The following MYO1D variants were observed in gnomAD, a reference collection of about 807,000 sequenced individuals.
The protein encoded by MYO1D is myosin ID.
In MYO1D, 83 loss-of-function variants were observed where a neutral mutation model predicts 122.0. The ratio of observed to expected loss-of-function variants is 0.68; its 90% CI spans 0.57 to 0.82. The LOEUF is 0.82. Ranked by LOEUF, MYO1D falls within the 40% of genes least tolerant of loss-of-function variation. The pLI, the probability that MYO1D is intolerant of heterozygous loss-of-function variation, is 0.00. For missense variants in MYO1D, 1,157 were observed against 1,269.5 expected, an observed-to-expected ratio of 0.91 and a Z score of 1.35; for synonymous variants, 464 against 446.9, an observed-to-expected ratio of 1.04 and a Z score of -0.48.
intron 21 of MYO1D, among the ~76,000 whole-genome samples, chr17:32,589,469 C>T (rs1381248625): frequency 6.6e-6 from 1 of 152,196 alleles, no homozygotes; most frequent in Non-Finnish European, 1.5e-5. Context: ...CTGTACTCAG[C>T]TCTTTCCAGG....
chr17:32,500,982 A>C (rs953737061), intron 21 of MYO1D, among the ~76,000 whole-genome samples: 3 of 150,374 alleles, frequency 2.0e-5, no homozygotes, highest in Non-Finnish European at 3.0e-5. Context: ...GCACTCCAGC[A>C]TGGGTGACAG....
intron 19 of MYO1D, among the ~76,000 whole-genome samples, chr17:32,651,283 C>G (rs1014441540): frequency 6.6e-6 from 1 of 152,176 alleles, no homozygotes; most frequent in African/African-American, 2.4e-5. Flanking sequence ...GTTTCCCAGC[C>G]TTGAGTTATT....
intron 21 of MYO1D, among the ~76,000 whole-genome samples, chr17:32,524,593 T>G (rs1296240053): frequency 1.4e-5 from 2 of 143,528 alleles, no homozygotes; most frequent in Non-Finnish European, 3.0e-5. Context: ...TGAGACAGTC[T>G]CGCTCTTTTG....
At chr17:32,859,523 G>A (rs1392948633) in intron 1 of MYO1D, among the ~76,000 whole-genome samples, 1 of 152,134 alleles carries the variant, frequency 6.6e-6, no homozygotes, top group African/African-American at 2.4e-5. Context: ...AATGGCTTTA[G>A]GACCAAATTC....
At chr17:32,691,213 T>A (rs913652812) in intron 16 of MYO1D, among the ~76,000 whole-genome samples, 1 of 148,824 alleles carries the variant, frequency 6.7e-6, no homozygotes, top group Non-Finnish European at 1.5e-5. Context: ...ATTAGGATCA[T>A]ACCACTGTAC....
intron 1 of MYO1D, among the ~76,000 whole-genome samples, chr17:32,862,053 C>T (rs1021692817): frequency 6.6e-6 from 1 of 151,966 alleles, no homozygotes; most frequent in African/African-American, 2.4e-5. Context: ...ATGTCTCTGT[C>T]TTCTCTCTCT....
At chr17:32,502,542 T>TTA (rs749782701) in intron 21 of MYO1D, among the ~76,000 whole-genome samples, 8 of 152,348 alleles carry the variant, frequency 5.3e-5, no homozygotes, top group African/African-American at 1.7e-4. Flanking sequence ...ATGTTTTATG[T>TTA]TATGTGTATT....
At chr17:32,549,004 C>T (rs1022304145) in intron 21 of MYO1D, among the ~76,000 whole-genome samples, 3 of 152,266 alleles carry the variant, frequency 2.0e-5, no homozygotes, top group African/African-American at 4.8e-5. Flanking sequence ...TGAGCCACCG[C>T]GCCTGGCCGA....
chr17:32,560,528 CATATATATATATAT>C (rs56214129), intron 21 of MYO1D, among the ~76,000 whole-genome samples: 6,306 of 65,458 alleles, frequency 0.096, 959 homozygotes, highest in African/African-American at 0.2. Flanking sequence ...CCAGAGACAA[CATATATATATATAT>C]ATATATATAT....
chr17:32,668,568 G>C (rs1386919824), intron 16 of MYO1D, among the ~76,000 whole-genome samples: 4 of 152,152 alleles, frequency 2.6e-5, no homozygotes, highest in African/African-American at 9.7e-5. Context: ...GTACATTCTG[G>C]AACACAGGGC....
intron 21 of MYO1D, among the ~76,000 whole-genome samples, chr17:32,543,565 C>T (rs575155817): frequency 1.4e-5 from 1 of 69,000 alleles, no homozygotes; most frequent in Non-Finnish European, 3.1e-5. Context: ...AACATCAAGA[C>T]TCTGTCTCAA....
Position 32,749,067 on chromosome 17 carries a change from T to A in MYO1D, c.1468-61A>T. On this transcript the variant is annotated intron_variant, in intron 11 of 21. Coordinates refer to ENST00000318217, the MANE Select transcript of MYO1D (RefSeq NM_015194.3). ...ACATTTTTGCTTTCCTAAAAATATA[T>A]TCCAGCTTAATATGAAATGATGATA... 2.2e-6 allele frequency: 3 copies of A among 1,388,060 alleles called. 1 individual carries two copies. In the South Asian group the frequency reaches 3.5e-5, roughly 16 times the overall value. The allele number at this position is 1,388,060 out of a possible 1,614,324, so 86.0% of individuals were successfully genotyped here. A position where few individuals can be genotyped will look rare whatever the true frequency, so the allele number is the denominator to read the frequency against.
chr17:32,787,422 CTT>C (rs755065126), intron 1 of MYO1D, among the ~76,000 whole-genome samples: 6 of 142,334 alleles, frequency 4.2e-5, no homozygotes, highest in Admixed American at 7.0e-5. Flanking sequence ...GGTATGTACT[CTT>C]TTTTTTTTTT....
chr17:32,811,099 T>G (rs1241890958), intron 1 of MYO1D, among the ~76,000 whole-genome samples: 1 of 152,212 alleles, frequency 6.6e-6, no homozygotes, highest in Non-Finnish European at 1.5e-5. Context: ...TGAAAAAGAC[T>G]GGGAGACACC....
intron 16 of MYO1D, among the ~76,000 whole-genome samples, chr17:32,711,186 T>A (rs2089371504): frequency 6.6e-6 from 1 of 152,078 alleles, no homozygotes; most frequent in Admixed American, 6.5e-5. Context: ...CATGAATTAG[T>A]GAATGAAATG....
At chr17:32,599,172 C>T (rs962538812) in intron 21 of MYO1D, among the ~76,000 whole-genome samples, 1 of 152,204 alleles carries the variant, frequency 6.6e-6, no homozygotes, top group Non-Finnish European at 1.5e-5. Flanking sequence ...GGAGTCAATC[C>T]TCTCAAACTC....
At chr17:32,578,754 G>C (rs918419844) in intron 21 of MYO1D, among the ~76,000 whole-genome samples, 1 of 152,186 alleles carries the variant, frequency 6.6e-6, no homozygotes, top group African/African-American at 2.4e-5. Context: ...ATTTGACCTT[G>C]TTGTCTTCTT....
chr17:32,685,283 C>T (rs1054874554), intron 16 of MYO1D, among the ~76,000 whole-genome samples: 5 of 152,076 alleles, frequency 3.3e-5, no homozygotes, highest in African/African-American at 9.7e-5. Flanking sequence ...CCAAGTAATG[C>T]GTAAGGAAAC....
At chr17:32,761,175 C>T (rs1320989415) in intron 8 of MYO1D, among the ~76,000 whole-genome samples, 1 of 152,186 alleles carries the variant, frequency 6.6e-6, no homozygotes, top group Non-Finnish European at 1.5e-5. Context: ...CACACGCTAA[C>T]ACACATTCAC....
Sources: gnomAD v4.1 joint callset for allele counts (sites outside exome capture counted in the v4.1 genomes callset) on GRCh38, gnomAD v4.1.1 for gene constraint, MANE v1.5 for transcripts, NCBI Gene and HGNC (gene_info 2026-07-23, HGNC 2026-07-21) for gene names.